Variants in NTRK2 observed in about 807,000 individuals in gnomAD.
The protein encoded by NTRK2 is neurotrophic receptor tyrosine kinase 2, also known as BDNF/NT-3 growth factors receptor.
NTRK2 carries 13 observed loss-of-function variants against 94.5 expected under a neutral mutation model. That is an observed-to-expected ratio of 0.14 (90% CI 0.09 to 0.22). The LOEUF (loss-of-function observed/expected upper bound fraction) is 0.22. NTRK2 is among the 10% of genes least tolerant of loss of function. The pLI, the probability that NTRK2 is intolerant of heterozygous loss-of-function variation, is 1.00. For synonymous variants in NTRK2, 372 were observed against 407.4 expected, an observed-to-expected ratio of 0.91 and a Z score of 1.05; for missense variants, 639 against 1,071.2, an observed-to-expected ratio of 0.60 and a Z score of 5.63.
chr9:84,675,067 A>T (rs576641169), intron 2 of NTRK2, among the ~76,000 whole-genome samples: 13 of 152,156 alleles, frequency 8.5e-5, no homozygotes, highest in Non-Finnish European at 1.6e-4. Context: ...TGTGGAGTTT[A>T]GGTCTGTTTA....
At chr9:84,882,730 G>GCGCGCGCA (rs1458327865) in intron 14 of NTRK2, among the ~76,000 whole-genome samples, 7 of 151,598 alleles carry the variant, frequency 4.6e-5, no homozygotes, top group African/African-American at 1.7e-4. Flanking sequence ...GCGCGCGCGC[G>GCGCGCGCA]CGCATGTGTG....
chr9:84,909,723 A>G (rs147900672), intron 14 of NTRK2, among the ~76,000 whole-genome samples: 1 of 152,154 alleles, frequency 6.6e-6, no homozygotes, highest in East Asian at 1.9e-4. Context: ...GCCATTGTTT[A>G]TATATGGTGA....
At chr9:84,722,327 G>T (rs191850166) in intron 6 of NTRK2, among the ~76,000 whole-genome samples, 1 of 152,012 alleles carries the variant, frequency 6.6e-6, no homozygotes, top group Non-Finnish European at 1.5e-5. Flanking sequence ...ATGAAATATA[G>T]ACTGTACAAA....
intron 12 of NTRK2, among the ~76,000 whole-genome samples, chr9:84,793,904 G>A (rs1372322929): frequency 6.6e-6 from 1 of 152,204 alleles, no homozygotes; most frequent in African/African-American, 2.4e-5. Context: ...CAGCAGAGTT[G>A]AGTGACTGCT....
At chr9:84,692,239 A>C (rs1411262555) in intron 2 of NTRK2, among the ~76,000 whole-genome samples, 2 of 152,160 alleles carry the variant, frequency 1.3e-5, no homozygotes, top group African/African-American at 4.8e-5. Context: ...AAAAATTGTC[A>C]GAAAAAAACC....
At chr9:84,713,401 T>C (rs2061530027) in intron 6 of NTRK2, among the ~76,000 whole-genome samples, 1 of 152,112 alleles carries the variant, frequency 6.6e-6, no homozygotes, top group Non-Finnish European at 1.5e-5. Flanking sequence ...GCAGAAAAAA[T>C]ATTTTTGCTT....
chr9:84,676,033 G>A (rs1020270780), intron 2 of NTRK2, among the ~76,000 whole-genome samples: 3 of 151,438 alleles, frequency 2.0e-5, no homozygotes, highest in Non-Finnish European at 2.9e-5. Flanking sequence ...TATTCCTTAT[G>A]TGTTTCAAAA....
intron 14 of NTRK2, chr9:84,874,153 T>C: frequency 9.4e-7 from 1 of 1,064,994 alleles, no homozygotes; most frequent in Non-Finnish European, 1.1e-6. Context: ...TGGTTTCGGA[T>C]TGGCCACTCT....
At chr9:84,965,022 A>G (rs1198626580) in intron 17 of NTRK2, among the ~76,000 whole-genome samples, 1 of 152,160 alleles carries the variant, frequency 6.6e-6, no homozygotes, top group African/African-American at 2.4e-5. Context: ...TTCCCTGCCT[A>G]CACAGAATTA....
intron 12 of NTRK2, among the ~76,000 whole-genome samples, chr9:84,776,121 C>G (rs1026016960): frequency 1.3e-5 from 2 of 151,906 alleles, no homozygotes; most frequent in Non-Finnish European, 1.5e-5. Flanking sequence ...ACCTGTCTAT[C>G]TATCCAACTA....
intron 14 of NTRK2, among the ~76,000 whole-genome samples, chr9:84,888,304 AGGGATG>A: frequency 6.6e-6 from 1 of 152,092 alleles, no homozygotes; most frequent in South Asian, 2.1e-4. Context: ...AGATGAGGAA[AGGGATG>A]CTTGAAGAGT....
chr9:85,009,705 T>A (rs1440605479), intron 17 of NTRK2, among the ~76,000 whole-genome samples: 1 of 152,232 alleles, frequency 6.6e-6, no homozygotes, highest in Non-Finnish European at 1.5e-5. Flanking sequence ...GTAATCATTA[T>A]GTCCTTCAAA....
intron 14 of NTRK2, among the ~76,000 whole-genome samples, chr9:84,918,872 C>T (rs1216541928): frequency 6.6e-6 from 1 of 152,210 alleles, no homozygotes; most frequent in East Asian, 1.9e-4. Context: ...GCTTGTTTCT[C>T]TGCTTCTGGG....
intron 12 of NTRK2, chr9:84,812,627 C>G: frequency 9.6e-7 from 1 of 1,046,626 alleles, no homozygotes; most frequent in African/African-American, 1.7e-5. Flanking sequence ...CAGGCAGGAG[C>G]TCAGTATGGC....
chr9:84,906,613 A>G (rs2077083951), intron 14 of NTRK2, among the ~76,000 whole-genome samples: 1 of 151,962 alleles, frequency 6.6e-6, no homozygotes, highest in Admixed American at 6.6e-5. Flanking sequence ...TACGTTGATG[A>G]CCCTTGCTGG....
intron 9 of NTRK2, among the ~76,000 whole-genome samples, chr9:84,740,638 C>T (rs931208498): frequency 5.9e-5 from 9 of 152,254 alleles, no homozygotes; most frequent in African/African-American, 2.4e-5. Flanking sequence ...TGGACTACAA[C>T]ATTAAAGGCG....
At chr9:84,839,865 C>T (rs771520952) in intron 12 of NTRK2, among the ~76,000 whole-genome samples, 11 of 152,152 alleles carry the variant, frequency 7.2e-5, no homozygotes, top group Non-Finnish European at 1.2e-4. Context: ...ATTAGAGGTA[C>T]GGATGAAGGA....
intron 14 of NTRK2, among the ~76,000 whole-genome samples, chr9:84,916,377 G>A (rs2077393554): frequency 6.6e-6 from 1 of 152,140 alleles, no homozygotes; most frequent in Admixed American, 6.5e-5. Flanking sequence ...AAAAGGGATA[G>A]GCAGGGTGGT....
intron 9 of NTRK2, among the ~76,000 whole-genome samples, chr9:84,737,319 A>G (rs552466255): frequency 6.6e-6 from 1 of 152,216 alleles, no homozygotes; most frequent in Non-Finnish European, 1.5e-5. Context: ...GAGTCTTAAC[A>G]GTTGAAATGT....
Sources: gnomAD v4.1 joint callset for allele counts (sites outside exome capture counted in the v4.1 genomes callset) on GRCh38, gnomAD v4.1.1 for gene constraint, MANE v1.5 for transcripts, NCBI Gene and HGNC (gene_info 2026-07-23, HGNC 2026-07-21) for gene names.